The following ZNF385B variants were observed in gnomAD, a reference collection of about 807,000 sequenced individuals.
The protein encoded by ZNF385B is zinc finger protein 533.
In ZNF385B, 23 loss-of-function variants were observed where a neutral mutation model predicts 39.2. The ratio of observed to expected loss-of-function variants is 0.59; its 90% CI spans 0.42 to 0.83. The LOEUF (loss-of-function observed/expected upper bound fraction) is 0.83, where lower values mean the gene tolerates loss of function less well. Among genes scored for constraint, ZNF385B ranks in the 40% least tolerant of loss-of-function variants. The pLI is 0.00. For synonymous variants in ZNF385B, 205 were observed against 222.6 expected, an observed-to-expected ratio of 0.92 and a Z score of 0.70; for missense variants, 552 against 598.9, an observed-to-expected ratio of 0.92 and a Z score of 0.82.
intron 6 of ZNF385B, among the ~76,000 whole-genome samples, chr2:179,469,395 G>A (rs1234366008): frequency 6.6e-6 from 1 of 152,226 alleles, no homozygotes; most frequent in South Asian, 2.1e-4. Flanking sequence ...CCTGTGGGCT[G>A]TGGGTTGGAC....
intron 1 of ZNF385B, among the ~76,000 whole-genome samples, chr2:179,857,499 T>C (rs150654513): frequency 6.6e-6 from 1 of 152,278 alleles, no homozygotes; most frequent in East Asian, 1.9e-4. Context: ...GAAATAATTG[T>C]AGGGAAGTGA....
At chr2:179,767,570 C>T (rs150400214) in intron 3 of ZNF385B, among the ~76,000 whole-genome samples, 1 of 152,028 alleles carries the variant, frequency 6.6e-6, no homozygotes, top group East Asian at 1.9e-4. Flanking sequence ...GAGTTGCTAC[C>T]CAGCAGGAAA....
chr2:179,828,032 TGTAAA>T (rs1269732849), intron 1 of ZNF385B, among the ~76,000 whole-genome samples: 41 of 152,358 alleles, frequency 2.7e-4, no homozygotes, highest in African/African-American at 7.5e-4. Context: ...TTTTCATTTA[TGTAAA>T]GTATTGTGTT....
At chr2:179,692,771 C>T (rs1698452994) in intron 3 of ZNF385B, among the ~76,000 whole-genome samples, 1 of 152,188 alleles carries the variant, frequency 6.6e-6, no homozygotes, top group Admixed American at 6.5e-5. Flanking sequence ...GAAGATTTTG[C>T]AGGGATTCTG....
intron 3 of ZNF385B, among the ~76,000 whole-genome samples, chr2:179,766,515 G>T (rs558941087): frequency 3.3e-5 from 5 of 152,098 alleles, no homozygotes; most frequent in Admixed American, 1.3e-4. Flanking sequence ...CCTTCTGAGG[G>T]CTGTGAGGGA....
intron 3 of ZNF385B, among the ~76,000 whole-genome samples, chr2:179,642,060 T>A (rs1458661063): frequency 6.6e-6 from 1 of 151,990 alleles, no homozygotes; most frequent in African/African-American, 2.4e-5. Flanking sequence ...AACTGACGAC[T>A]GATTTAGAAT....
At chr2:179,618,698 G>C (rs1689959832) in intron 3 of ZNF385B, among the ~76,000 whole-genome samples, 1 of 152,170 alleles carries the variant, frequency 6.6e-6, no homozygotes, top group Admixed American at 6.5e-5. Context: ...TGGAGTAGGG[G>C]CAGCCAGGTT....
chr2:179,802,786 A>G (rs1287675588), intron 1 of ZNF385B: 1 of 152,146 alleles, frequency 6.6e-6, no homozygotes, highest in Non-Finnish European at 1.5e-5. Context: ...GACTGGTCCC[A>G]GAGAAGGAGT....
chr2:179,673,452 C>G (rs147942689), intron 3 of ZNF385B, among the ~76,000 whole-genome samples: 1,580 of 151,886 alleles, frequency 0.01, 10 homozygotes, highest in Non-Finnish European at 0.014. Flanking sequence ...ATAGTAGACC[C>G]CATAATGATC....
intron 3 of ZNF385B, among the ~76,000 whole-genome samples, chr2:179,550,907 T>C (rs2060519485): frequency 7.5e-6 from 1 of 133,788 alleles, no homozygotes; most frequent in Admixed American, 7.2e-5. Flanking sequence ...TGAAAGAAAA[T>C]GCTTAATTTC....
chr2:179,688,742 A>C (rs1575235647), intron 3 of ZNF385B, among the ~76,000 whole-genome samples: 1 of 152,146 alleles, frequency 6.6e-6, no homozygotes. Context: ...TATAGTTACC[A>C]TGTTGTACAA....
intron 3 of ZNF385B, among the ~76,000 whole-genome samples, chr2:179,552,136 C>T (rs2060614385): frequency 6.7e-6 from 1 of 149,224 alleles, no homozygotes; most frequent in African/African-American, 2.5e-5. Context: ...CATAATACAT[C>T]ACAATACAAC....
rs1468292514 is a variant in ZNF385B at position 179,769,716 on chromosome 2, C to T, written c.85G>A (p.Gly29Arg). ...ANFLRGFEEK[G>R]IKNDRPEDQL... Reference sequence around the variant, plus strand: ...TCCTCAGGCCTGTCGTTCTTTATCCCCTTTTCTTCAAAGCCCCGTAGAAAA... The same window carrying T: ...TCCTCAGGCCTGTCGTTCTTTATCCTCTTTTCTTCAAAGCCCCGTAGAAAA... The change falls in exon 3 of 10, where the codon GGG becomes AGG. Residue 29 changes from glycine to arginine, a missense_variant. Physicochemically the swap from Gly to Arg is moderately radical, Grantham distance 125 (BLOSUM62 -2). Coordinates refer to ENST00000410066, the MANE Select transcript of ZNF385B (RefSeq NM_152520.6). The T allele has an allele frequency of 1.2e-6, 2 of 1,613,992 alleles. No individual in the cohort carries two copies. The highest frequency in any genetic ancestry group is 1.7e-5 in the Admixed American group (1 of 59,996).
chr2:179,493,745 ATGTG>A (rs1378970590), intron 5 of ZNF385B, among the ~76,000 whole-genome samples: 1 of 142,188 alleles, frequency 7.0e-6, no homozygotes, highest in African/African-American at 2.6e-5. Flanking sequence ...ATGTATACAT[ATGTG>A]TATATACATA....
chr2:179,838,159 A>C (rs1708353006), intron 1 of ZNF385B, among the ~76,000 whole-genome samples: 1 of 152,234 alleles, frequency 6.6e-6, no homozygotes, highest in Non-Finnish European at 1.5e-5. Flanking sequence ...ATACAGATCA[A>C]GGTTCCAATG....
intron 3 of ZNF385B, among the ~76,000 whole-genome samples, chr2:179,766,030 T>TCTCA (rs1553527783): frequency 7.1e-6 from 1 of 140,832 alleles, no homozygotes; most frequent in African/African-American, 2.7e-5. Context: ...GGTACATTGA[T>TCTCA]CACACACACA....
intron 6 of ZNF385B, among the ~76,000 whole-genome samples, chr2:179,470,391 C>T (rs577252125): frequency 1.3e-5 from 2 of 152,270 alleles, no homozygotes; most frequent in South Asian, 4.1e-4. Flanking sequence ...CTCCGTGCAG[C>T]CTGTTGGGCC....
chr2:179,627,584 G>A (rs1558999564), intron 3 of ZNF385B, among the ~76,000 whole-genome samples: 1 of 152,292 alleles, frequency 6.6e-6, no homozygotes, highest in East Asian at 1.9e-4. Flanking sequence ...GTGGGCTGGA[G>A]CTGGCTGCTC....
intron 3 of ZNF385B, among the ~76,000 whole-genome samples, chr2:179,561,814 A>AG (rs2061354630): frequency 6.6e-6 from 1 of 152,168 alleles, no homozygotes; most frequent in Non-Finnish European, 1.5e-5. Context: ...TCTATGCCCA[A>AG]GGGTCTAAAC....
Sources: gnomAD v4.1 joint callset for allele counts (sites outside exome capture counted in the v4.1 genomes callset) on GRCh38, gnomAD v4.1.1 for gene constraint, MANE v1.5 for transcripts, NCBI Gene and HGNC (gene_info 2026-07-23, HGNC 2026-07-21) for gene names.